The following ADAMTS12 variants were observed in gnomAD, a reference collection of about 807,000 sequenced individuals.
The protein encoded by ADAMTS12 is ADAM metallopeptidase with thrombospondin type 1 motif 12.
ADAMTS12 carries 118 observed loss-of-function variants against 167.8 expected under a neutral mutation model. The ratio of observed to expected loss-of-function variants is 0.70; its 90% CI spans 0.61 to 0.82. ADAMTS12 has a LOEUF of 0.82. Among genes scored for constraint, ADAMTS12 ranks in the 40% least tolerant of loss-of-function variants. The pLI, the probability that ADAMTS12 is intolerant of heterozygous loss-of-function variation, is 0.00. For missense variants in ADAMTS12, 1,916 were observed against 1,998.8 expected, an observed-to-expected ratio of 0.96 and a Z score of 0.79; for synonymous variants, 704 against 716.9, an observed-to-expected ratio of 0.98 and a Z score of 0.29.
chr5:33,880,849 CT>C (rs1750405858), intron 2 of ADAMTS12: 2 of 417,874 alleles, frequency 4.8e-6, no homozygotes, highest in South Asian at 9.1e-5. Context: ...CCTCCCTCTT[CT>C]TCCCCCTCCA....
intron 2 of ADAMTS12, among the ~76,000 whole-genome samples, chr5:33,866,598 G>A (rs34317135): frequency 0.03 from 4,536 of 152,030 alleles, 191 homozygotes; most frequent in East Asian, 0.2. Context: ...ATATCAGTAG[G>A]ATCTAATTAA....
At chr5:33,736,208 G>A (rs4866344) in intron 3 of ADAMTS12, among the ~76,000 whole-genome samples, 77,115 of 151,546 alleles carry the variant, frequency 0.51, 22,365 homozygotes, top group Non-Finnish European at 0.66. Context: ...GAACACATGC[G>A]TATACCACCA....
intron 16 of ADAMTS12, among the ~76,000 whole-genome samples, chr5:33,602,921 T>C (rs1738260176): frequency 6.6e-6 from 1 of 152,212 alleles, no homozygotes; most frequent in Non-Finnish European, 1.5e-5. Flanking sequence ...CAGTTTTCAA[T>C]ATTTGCTTTT....
At chr5:33,613,788 C>G (rs902213947) in intron 16 of ADAMTS12, among the ~76,000 whole-genome samples, 3 of 152,106 alleles carry the variant, frequency 2.0e-5, no homozygotes, top group East Asian at 3.9e-4. Context: ...TACTCCTCTG[C>G]TATATGTATA....
chr5:33,804,519 A>C (rs886931398), intron 2 of ADAMTS12, among the ~76,000 whole-genome samples: 3 of 152,244 alleles, frequency 2.0e-5, no homozygotes, highest in African/African-American at 4.8e-5. Context: ...TGTGTGAGCA[A>C]GAATAAATGA....
At chr5:33,582,504 A>G (rs1554023191) in intron 18 of ADAMTS12, among the ~76,000 whole-genome samples, 2 of 152,224 alleles carry the variant, frequency 1.3e-5, no homozygotes, top group Non-Finnish European at 2.9e-5. Flanking sequence ...CAATAGACAT[A>G]GCATTGCCAT....
chr5:33,573,741 C>T lies in ADAMTS12; in HGVS notation c.3972+2313G>A, dbSNP rs1310295860. Among the ~76,000 whole-genome samples, 13 of 152,252 alleles carry T rather than the reference C, an allele frequency of 8.5e-5. 1 individual carries two copies. The South Asian group carries it at 2.7e-3, about 32-fold the overall frequency. Reference sequence around the variant, plus strand: ...CAATGGCAACAAAAGCCAAAATTGACAAATGGGATCTCATTAAACTAAAGA... The same window carrying T: ...CAATGGCAACAAAAGCCAAAATTGATAAATGGGATCTCATTAAACTAAAGA... On this transcript the variant is annotated intron_variant, in intron 19 of 23. Transcript: ENST00000504830.
chr5:33,527,749 C>T (rs1443480091), intron 23 of ADAMTS12, among the ~76,000 whole-genome samples: 2 of 152,148 alleles, frequency 1.3e-5, no homozygotes, highest in Non-Finnish European at 2.9e-5. Context: ...GAGGACAAGC[C>T]TTCCCTGATG....
At chr5:33,768,514 T>C (rs1398760343) in intron 2 of ADAMTS12, among the ~76,000 whole-genome samples, 2 of 152,224 alleles carry the variant, frequency 1.3e-5, no homozygotes, top group Non-Finnish European at 1.5e-5. Flanking sequence ...TGCAACAGAA[T>C]TGCATTTTGC....
In ADAMTS12 at chr5:33,881,437, T is replaced by C; in HGVS notation, c.171A>G (p.Pro57=). ...KGLPEYHVVG[P]VRVDASGHFL... ...AATGCCCACTGGCATCTACTCGGAC[T>C]GGACCCACCACGTGGTATTCTGGCA... Residue 57 remains proline (P), a synonymous_variant, in exon 2 of 24, where the codon CCA becomes CCG. Coordinates refer to ENST00000504830, the MANE Select transcript of ADAMTS12 (RefSeq NM_030955.4). The C allele has an allele frequency of 6.2e-7, 1 of 1,613,936 alleles. No individual in the cohort carries two copies.
chr5:33,596,480 G>A (rs187794680), intron 16 of ADAMTS12, among the ~76,000 whole-genome samples: 35 of 152,262 alleles, frequency 2.3e-4, no homozygotes, highest in African/African-American at 7.5e-4. Flanking sequence ...TCAGAAGTTC[G>A]AGATCAGCCT....
chr5:33,718,988 T>A (rs1172165928), intron 3 of ADAMTS12, among the ~76,000 whole-genome samples: 5 of 152,168 alleles, frequency 3.3e-5, no homozygotes. Context: ...TCTGTTCAGG[T>A]TTCTGTGCCT....
intron 1 of ADAMTS12, among the ~76,000 whole-genome samples, chr5:33,887,521 TAGAAATATTATAAGCTCCAA>T (rs1347246798): frequency 3.3e-5 from 5 of 152,194 alleles, no homozygotes; most frequent in Non-Finnish European, 7.3e-5. Flanking sequence ...CAAGGGTTTG[TAGAAATATTATAAGCTCCAA>T]ATACTTTGAT....
intron 1 of ADAMTS12, 78 bp downstream of exon 1, chr5:33,891,652 G>A (rs1292697948): frequency 1.3e-6 from 2 of 1,593,054 alleles, no homozygotes; most frequent in Non-Finnish European, 1.7e-6. Context: ...CCGGGTGGGG[G>A]AAGGGAAAGG....
chr5:33,755,880 A>G (rs1745150424), intron 2 of ADAMTS12, among the ~76,000 whole-genome samples: 1 of 152,134 alleles, frequency 6.6e-6, no homozygotes, highest in African/African-American at 2.4e-5. Context: ...TCAAGAACAG[A>G]AAAAAAATTG....
intron 3 of ADAMTS12, among the ~76,000 whole-genome samples, chr5:33,730,289 G>GGGGGGTGTGT (rs1554038433): frequency 6.9e-6 from 1 of 144,154 alleles, no homozygotes; most frequent in Non-Finnish European, 1.5e-5. Context: ...AGTCCATTAG[G>GGGGGGTGTGT]GTGTGTGTGT....
chr5:33,683,966 T>C lies in ADAMTS12; in HGVS notation c.724A>G (p.Ile242Val), dbSNP rs1579834368. The C allele has an allele frequency of 1.2e-6, 2 of 1,612,780 alleles. No individual in the cohort carries two copies. Among genetic ancestry groups the C allele is most frequent in the Non-Finnish European group, 1.7e-6 (2 of 1,179,554 alleles). Residue 242 changes from isoleucine (I) to valine (V), a missense_variant, in exon 4 of 24, where the codon ATC becomes GTC. Ile to Val is a conservative substitution (Grantham distance 29). Transcript: ENST00000504830. ...GTCTCCACCCATCTCTCCTTGCTGA[T>C]GGAACGCCGAGAGAGGCTTCTGCTT... ...LPSRSLSRRS[I>V]SKERWVETLV...
Position 33,637,625 on chromosome 5 carries a change from C to T in ADAMTS12, c.1840G>A (p.Val614Ile), listed in dbSNP as rs1335605832. The T allele has an allele frequency of 3.7e-6, 6 of 1,613,666 alleles. No individual in the cohort carries two copies. The Admixed American group carries it at 1.0e-4, about 27-fold the overall frequency. Reference sequence around the variant, plus strand: ...TGGTAGAGTTCATTCTTGTAGGGAACAGTGTCAAATTCACTGCACTGCATC... The same window carrying T: ...TGGTAGAGTTCATTCTTGTAGGGAATAGTGTCAAATTCACTGCACTGCATC... ...RQMQCSEFDT[V>I]PYKNELYHWF... The change falls in exon 12 of 24, where the codon GTT becomes ATT. Residue 614 changes from valine to isoleucine, a missense_variant. Physicochemically the swap from Val to Ile is conservative, Grantham distance 29. Transcript: ENST00000504830.
intron 2 of ADAMTS12, among the ~76,000 whole-genome samples, chr5:33,860,997 C>A (rs574947030): frequency 6.6e-6 from 1 of 152,238 alleles, no homozygotes; most frequent in African/African-American, 2.4e-5. Context: ...GATTTTGTCA[C>A]CACCAGGCCT....
Sources: gnomAD v4.1 joint callset for allele counts (sites outside exome capture counted in the v4.1 genomes callset) on GRCh38, gnomAD v4.1.1 for gene constraint, MANE v1.5 for transcripts, NCBI Gene and HGNC (gene_info 2026-07-23, HGNC 2026-07-21) for gene names.